Variants in XPO5 observed in about 807,000 individuals in gnomAD.
XPO5 encodes exportin-5.
XPO5 carries 46 observed loss-of-function variants against 160.6 expected under a neutral mutation model. The ratio of observed to expected loss-of-function variants is 0.29; its 90% CI spans 0.23 to 0.37. The LOEUF (loss-of-function observed/expected upper bound fraction) is 0.37, where lower values mean the gene tolerates loss of function less well. Among genes scored for constraint, XPO5 ranks in the 10% least tolerant of loss-of-function variants. The pLI is 1.00. For synonymous variants in XPO5, 537 were observed against 519.3 expected, an observed-to-expected ratio of 1.03 and a Z score of -0.46; for missense variants, 1,090 against 1,463.9, an observed-to-expected ratio of 0.74 and a Z score of 4.17.
intron 15 of XPO5, 48 bp downstream of exon 15, chr6:43,551,249 TA>T (rs1169057699): frequency 1.0e-5 from 15 of 1,504,662 alleles, no homozygotes; most frequent in Non-Finnish European, 1.3e-5. Flanking sequence ...AAATAAAAAT[TA>T]ACTTAGAAAT....
chr6:43,556,831 A>G (rs1235759738), intron 12 of XPO5, among the ~76,000 whole-genome samples: 1 of 152,182 alleles, frequency 6.6e-6, no homozygotes, highest in African/African-American at 2.4e-5. Context: ...AAATATTAGC[A>G]ATAAAAAGAA....
chr6:43,559,671 A>C (rs1221797911), intron 11 of XPO5, among the ~76,000 whole-genome samples: 2 of 152,230 alleles, frequency 1.3e-5, no homozygotes, highest in South Asian at 4.1e-4. Context: ...CACCTAGCCC[A>C]ATACTTATGA....
intron 13 of XPO5, chr6:43,555,609 A>G (rs1167630926): frequency 2.8e-6 from 1 of 360,616 alleles, no homozygotes; most frequent in Non-Finnish European, 4.8e-6. Context: ...ATGATGGCAA[A>G]ACTGATAAGG....
chr6:43,534,994 C>CA (rs958933202), intron 20 of XPO5, among the ~76,000 whole-genome samples: 17 of 151,384 alleles, frequency 1.1e-4, no homozygotes, highest in African/African-American at 4.2e-4. Context: ...GACTCCATCT[C>CA]AAAAAAACCC....
At position 43,560,298 on chromosome 6, in the gene XPO5, T is replaced by C. The variant is rs1402930631; in HGVS notation, c.1101A>G (p.Leu367=). Reference sequence around the variant, plus strand: ...CCCAAGTCATCTGAGTTGAAGAGCGTAGAAACTAAAGAGAAAAAAAAAAGA... The same window carrying C: ...CCCAAGTCATCTGAGTTGAAGAGCGCAGAAACTAAAGAGAAAAAAAAAAGA... ...LAFTTHPSQF[L]RSSTQMTWGA... Residue 367 remains leucine, a synonymous_variant, in exon 11 of 32, where the codon CTA becomes CTG. Transcript: ENST00000265351. 1 of 1,605,614 alleles carries C rather than the reference T, an allele frequency of 6.2e-7. No individual in the cohort carries two copies. Among genetic ancestry groups the C allele is most frequent in the Admixed American group, 1.7e-5 (1 of 58,342 alleles).
intron 28 of XPO5, chr6:43,525,609 A>T: frequency 1.8e-6 from 1 of 559,086 alleles, no homozygotes; most frequent in Non-Finnish European, 3.1e-6. Flanking sequence ...AGGGATCTGC[A>T]TCAGTGTGCC....
At chr6:43,539,597 C>T (rs1420365064) in intron 20 of XPO5, 31 of 1,385,014 alleles carry the variant, frequency 2.2e-5, no homozygotes, top group South Asian at 1.6e-4. Flanking sequence ...GCTGCGACCC[C>T]GGCCCCGGAT....
intron 16 of XPO5, 144 bp downstream of exon 16, chr6:43,549,749 C>A: frequency 8.8e-7 from 1 of 1,137,290 alleles, no homozygotes; most frequent in South Asian, 1.5e-5. Flanking sequence ...TTCTTGTATG[C>A]CCTATAGTGG....
intron 22 of XPO5, among the ~76,000 whole-genome samples, 178 bp downstream of exon 22, chr6:43,531,300 CA>C (rs1283654938): frequency 6.6e-6 from 1 of 152,052 alleles, no homozygotes; most frequent in Non-Finnish European, 1.5e-5. Flanking sequence ...ATGACAATTA[CA>C]AAAAAAGCAA....
chr6:43,553,536 C>T lies in XPO5; in HGVS notation c.1442-33G>A, dbSNP rs752621229. 12 of 1,534,628 alleles carry T rather than the reference C, an allele frequency of 7.8e-6. No individual in the cohort carries two copies. The Middle Eastern group carries it at 5.0e-4, about 64-fold the overall frequency. On this transcript the variant is annotated intron_variant, in intron 13 of 31. Coordinates refer to ENST00000265351, the MANE Select transcript of XPO5 (RefSeq NM_020750.3). ...ACACACACACACACATACACACACACACACACACACACAATTATCAGCATT... is the reference window on the plus strand; with the variant it reads ...ACACACACACACACATACACACACATACACACACACACAATTATCAGCATT...
At chr6:43,575,705 G>T in intron 1 of XPO5, 55 bp downstream of exon 1, 1 of 1,510,280 alleles carries the variant, frequency 6.6e-7, no homozygotes. Context: ...CGCCGGAGCT[G>T]CTGGGGCTGG....
Position 43,527,624 on chromosome 6 carries a change from T to TG in XPO5, c.2920+9dup. On this transcript the variant is annotated intron_variant, in intron 26 of 31. Transcript: ENST00000265351. ...ATCCTCTATAGCCCCAGTTTCGACA[T>TG]GCCACTTACTGATTAGGTCCATGAC... 6.2e-7 allele frequency: 1 copy of TG among 1,613,812 alleles called. No homozygotes were observed. The highest frequency in any genetic ancestry group is 8.5e-7 in the Non-Finnish European group (1 of 1,179,766).
At chr6:43,557,484 T>A (rs778434662) in intron 12 of XPO5, among the ~76,000 whole-genome samples, 1 of 151,964 alleles carries the variant, frequency 6.6e-6, no homozygotes, top group Non-Finnish European at 1.5e-5. Context: ...TTAAAAACAT[T>A]ATGCAAGTGA....
chr6:43,529,168 C>T, intron 23 of XPO5: 1 of 1,472,540 alleles, frequency 6.8e-7, no homozygotes, highest in Non-Finnish European at 9.2e-7. Flanking sequence ...TGGTCACTGG[C>T]CCAAAAAGTA....
intron 20 of XPO5, among the ~76,000 whole-genome samples, chr6:43,546,234 A>G (rs1794958506): frequency 6.6e-6 from 1 of 152,224 alleles, no homozygotes; most frequent in African/African-American, 2.4e-5. Flanking sequence ...CCTGCTCCCA[A>G]TGAGCAATTC....
intron 24 of XPO5, among the ~76,000 whole-genome samples, chr6:43,528,497 C>A (rs1478168549): frequency 6.6e-6 from 1 of 152,000 alleles, no homozygotes; most frequent in African/African-American, 2.4e-5. Flanking sequence ...CCCAGCTGGT[C>A]CCCCTGCTTA....
chr6:43,569,589 C>T (rs777874175), intron 5 of XPO5, among the ~76,000 whole-genome samples: 10 of 151,870 alleles, frequency 6.6e-5, no homozygotes, highest in Non-Finnish European at 1.2e-4. Context: ...AAAAATTAGA[C>T]GGGCATGGTG....
At chr6:43,573,428 T>C (rs1448375839) in intron 2 of XPO5, 52 bp downstream of exon 2, 52 of 1,605,476 alleles carry the variant, frequency 3.2e-5, no homozygotes, top group African/African-American at 4.0e-5. Context: ...TTATATAAGA[T>C]ATAAAGATCT....
chr6:43,531,597 G>A (rs771674256), intron 21 of XPO5, 22 bp from the exon 22 acceptor site: 1 of 1,591,796 alleles, frequency 6.3e-7, no homozygotes, highest in South Asian at 1.1e-5. Flanking sequence ...TACGGGTCAA[G>A]AACATGATGC....
Sources: allele counts gnomAD v4.1 joint callset (sites outside exome capture counted in the v4.1 genomes callset), GRCh38; gene constraint gnomAD v4.1.1; transcripts MANE v1.5; gene names NCBI Gene and HGNC (gene_info 2026-07-23, HGNC 2026-07-21).